The following FAM227B variants were observed in gnomAD, a reference collection of about 807,000 sequenced individuals.
FAM227B encodes the protein family with sequence similarity 227 member B.
A neutral mutation model predicts 73.8 loss-of-function variants in FAM227B; 88 were observed. The observed-to-expected ratio is 1.19, with a 90% CI of 1.00 to 1.42. The LOEUF is 1.42. FAM227B is among the 40% of genes most tolerant of loss of function. The pLI, the probability that FAM227B is intolerant of heterozygous loss-of-function variation, is 0.00. For synonymous variants in FAM227B, 210 were observed against 190.5 expected (o/e 1.10, Z -0.84); for missense variants, 632 against 590.9 (o/e 1.07, Z -0.72).
chr15:49,507,201 C>T (rs1043089802), intron 11 of FAM227B, among the ~76,000 whole-genome samples: 12 of 151,626 alleles, frequency 7.9e-5, no homozygotes, highest in Non-Finnish European at 1.2e-4. Context: ...ATATATACTG[C>T]GATAAGAATA....
chr15:49,366,668 C>T (rs1260232922), intron 13 of FAM227B: 2 of 1,530,718 alleles, frequency 1.3e-6, no homozygotes, highest in African/African-American at 2.7e-5. Flanking sequence ...AGGGGACAGC[C>T]GCCGCTGCGG....
chr15:49,365,815 A>C (rs780655776), intron 13 of FAM227B: 9 of 867,152 alleles, frequency 1.0e-5, no homozygotes, highest in Non-Finnish European at 1.6e-5. Context: ...AGAGAGAAAC[A>C]TAAGTCTCAC....
chr15:49,566,704 T>C (rs12906972), intron 9 of FAM227B, among the ~76,000 whole-genome samples: 38,099 of 152,110 alleles, frequency 0.25, 5,743 homozygotes, highest in Non-Finnish European at 0.35. Flanking sequence ...CTCTCACACA[T>C]AAATGCATGG....
At chr15:49,561,560 T>C (rs2074261404) in intron 9 of FAM227B, among the ~76,000 whole-genome samples, 1 of 152,120 alleles carries the variant, frequency 6.6e-6, no homozygotes, top group South Asian at 2.1e-4. Flanking sequence ...ACTAGAAATG[T>C]GCATTATTCT....
At chr15:49,437,597 G>C (rs2051225152) in intron 11 of FAM227B, among the ~76,000 whole-genome samples, 1 of 151,608 alleles carries the variant, frequency 6.6e-6, no homozygotes, top group Non-Finnish European at 1.5e-5. Flanking sequence ...TGCATTATTT[G>C]TGACCTGATT....
chr15:49,588,546 ACTATATATATATATATATATATAT>A (rs2076314534), intron 4 of FAM227B, among the ~76,000 whole-genome samples: 1 of 41,482 alleles, frequency 2.4e-5, no homozygotes, highest in South Asian at 8.0e-4. Flanking sequence ...CATATTGAGG[ACTATATATATATATATATATATAT>A]ATATATATAT....
chr15:49,434,879 A>G lies in FAM227B; in HGVS notation c.1013-63480T>C, dbSNP rs145967595. On this transcript the variant is annotated intron_variant, in intron 11 of 15. Coordinates refer to ENST00000299338, the MANE Select transcript of FAM227B (RefSeq NM_152647.3). ...AATTAATTAATAAAAAAGAGAACCA[A>G]TTTCTCAAAGTTCATACAATGTTTT... 1.1e-3 allele frequency among the ~76,000 whole-genome samples: 172 copies of G among 151,630 alleles called. 1 individual carries two copies. Among genetic ancestry groups the G allele is most frequent in the African/African-American group, 4.1e-3 (170 of 41,464 alleles).
chr15:49,341,764 T>A (rs1253132307), intron 13 of FAM227B, among the ~76,000 whole-genome samples: 2 of 152,216 alleles, frequency 1.3e-5, no homozygotes, highest in Non-Finnish European at 2.9e-5. Context: ...TTCATTTCTT[T>A]TAAATATTTT....
chr15:49,517,384 A>T (rs1477661488), intron 10 of FAM227B, among the ~76,000 whole-genome samples: 3 of 152,216 alleles, frequency 2.0e-5, no homozygotes, highest in African/African-American at 7.2e-5. Context: ...CTATAATACA[A>T]ACATTTCCTC....
intron 11 of FAM227B, among the ~76,000 whole-genome samples, chr15:49,475,645 AT>A (rs1021529168): frequency 6.6e-6 from 1 of 151,882 alleles, no homozygotes; most frequent in Non-Finnish European, 1.5e-5. Flanking sequence ...ACAATTTGAT[AT>A]TTTTTTTACT....
At chr15:49,471,328 T>C (rs947946919) in intron 11 of FAM227B, among the ~76,000 whole-genome samples, 1 of 151,478 alleles carries the variant, frequency 6.6e-6, no homozygotes, top group Non-Finnish European at 1.5e-5. Flanking sequence ...CTACTAAAAA[T>C]ACAAAAATTA....
At chr15:49,503,891 G>T (rs1455173549) in intron 11 of FAM227B, among the ~76,000 whole-genome samples, 6 of 152,116 alleles carry the variant, frequency 3.9e-5, no homozygotes, top group African/African-American at 1.4e-4. Context: ...ACCTAGAACT[G>T]GAAATACCAT....
chr15:49,446,011 G>A (rs931255446), intron 11 of FAM227B, among the ~76,000 whole-genome samples: 1 of 151,392 alleles, frequency 6.6e-6, no homozygotes, highest in Non-Finnish European at 1.5e-5. Context: ...TACTGGAATA[G>A]ACATATTTAC....
intron 11 of FAM227B, among the ~76,000 whole-genome samples, chr15:49,411,160 A>C (rs566465392): frequency 2.6e-4 from 40 of 152,154 alleles, no homozygotes; most frequent in African/African-American, 7.9e-4. Flanking sequence ...AGAACCCCCC[A>C]AAAAATCCCC....
intron 11 of FAM227B, among the ~76,000 whole-genome samples, chr15:49,387,603 C>T (rs547606433): frequency 6.6e-5 from 10 of 151,790 alleles, no homozygotes; most frequent in Middle Eastern, 3.4e-3. Flanking sequence ...CACTCCTGTT[C>T]AACATAGTTC....
intron 10 of FAM227B, among the ~76,000 whole-genome samples, chr15:49,519,195 C>T (rs2059603740): frequency 2.0e-5 from 3 of 152,154 alleles, no homozygotes; most frequent in African/African-American, 7.2e-5. Context: ...GGCAGCTCCA[C>T]CCCTGTGGCT....
At position 49,500,211 on chromosome 15, in the gene FAM227B, C is replaced by T. The variant is rs184386567; in HGVS notation, c.1012+8000G>A. Among the ~76,000 whole-genome samples the T allele has an allele frequency of 2.4e-4, 37 of 152,250 alleles. No homozygotes were observed. The East Asian group carries it at 5.6e-3, about 23-fold the overall frequency. ...CAGAACAAGATCCTGTCTTTAAAAA[C>T]GAACTAACTAAATAAATAAGCATAA... On this transcript the variant is annotated intron_variant, in intron 11 of 15. Transcript: ENST00000299338.
intron 1 of FAM227B, chr15:49,620,294 C>T (rs1482134378): frequency 6.6e-6 from 1 of 152,188 alleles, no homozygotes; most frequent in Non-Finnish European, 1.5e-5. Context: ...ACTTCTAGGG[C>T]ATTGTAATGT....
chr15:49,340,403 GCC>G (rs373386438), intron 13 of FAM227B, among the ~76,000 whole-genome samples: 33 of 94,476 alleles, frequency 3.5e-4, no homozygotes, highest in South Asian at 2.2e-3. Context: ...GCAGTGCCCC[GCC>G]CCCCCCCTCC....
Sources: gnomAD v4.1 joint callset for allele counts (sites outside exome capture counted in the v4.1 genomes callset) on GRCh38, gnomAD v4.1.1 for gene constraint, MANE v1.5 for transcripts, NCBI Gene and HGNC (gene_info 2026-07-23, HGNC 2026-07-21) for gene names.